Variants in CTNNA2 observed in about 807,000 individuals in gnomAD.
CTNNA2 encodes the protein catenin alpha-2.
CTNNA2 carries 42 observed loss-of-function variants against 101.0 expected under a neutral mutation model. The ratio of observed to expected loss-of-function variants is 0.42; its 90% CI spans 0.32 to 0.54. The LOEUF is 0.54. CTNNA2 is among the 20% of genes least tolerant of loss of function. CTNNA2 has a pLI of 0.14. For synonymous variants in CTNNA2, 450 were observed against 456.4 expected, an observed-to-expected ratio of 0.99 and a Z score of 0.18; for missense variants, 871 against 1,223.1, an observed-to-expected ratio of 0.71 and a Z score of 4.29.
At chr2:79,765,755 A>G (rs1264168543) in intron 3 of CTNNA2, among the ~76,000 whole-genome samples, 1 of 152,202 alleles carries the variant, frequency 6.6e-6, no homozygotes, top group South Asian at 2.1e-4. Context: ...AGGCTTGTGA[A>G]TTTTTAAAAT....
intron 15 of CTNNA2, among the ~76,000 whole-genome samples, chr2:80,593,600 C>G (rs1193761273): frequency 1.3e-5 from 2 of 152,124 alleles, no homozygotes; most frequent in East Asian, 3.9e-4. Flanking sequence ...CACCCTCCAT[C>G]TCCAGAACAT....
At chr2:80,119,057 A>G (rs1361766523) in intron 7 of CTNNA2, among the ~76,000 whole-genome samples, 1 of 152,230 alleles carries the variant, frequency 6.6e-6, no homozygotes, top group Non-Finnish European at 1.5e-5. Flanking sequence ...AATACTAACC[A>G]ACCAGAAGCC....
intron 1 of CTNNA2, among the ~76,000 whole-genome samples, chr2:79,193,436 C>CT (rs1673901215): frequency 6.6e-6 from 1 of 152,168 alleles, no homozygotes; most frequent in African/African-American, 2.4e-5. Context: ...CAATAACATA[C>CT]TATACAGGTA....
intron 1 of CTNNA2, among the ~76,000 whole-genome samples, chr2:79,571,577 AT>A (rs898423655): frequency 6.6e-6 from 1 of 151,772 alleles, no homozygotes; most frequent in African/African-American, 2.4e-5. Context: ...TTTCTTCTCC[AT>A]TTTTTTCCCC....
chr2:79,712,111 C>A (rs921489619), intron 2 of CTNNA2, among the ~76,000 whole-genome samples: 2 of 152,110 alleles, frequency 1.3e-5, no homozygotes, highest in Non-Finnish European at 2.9e-5. Context: ...AGGCATTGTG[C>A]TGACTACTTT....
intron 7 of CTNNA2, among the ~76,000 whole-genome samples, chr2:80,094,711 A>G (rs1257045958): frequency 6.6e-6 from 1 of 152,142 alleles, no homozygotes; most frequent in Non-Finnish European, 1.5e-5. Flanking sequence ...CTCCTTGAAG[A>G]GGTCCTTCAC....
chr2:80,506,121 G>T (rs866829811), intron 9 of CTNNA2, among the ~76,000 whole-genome samples: 28 of 152,296 alleles, frequency 1.8e-4, no homozygotes, highest in African/African-American at 6.5e-4. Flanking sequence ...CAGTGCATGA[G>T]CTATTTTCTG....
At chr2:80,605,274 G>A (rs541673597) in intron 16 of CTNNA2, 1 of 151,916 alleles carries the variant, frequency 6.6e-6, no homozygotes, top group South Asian at 2.1e-4. Context: ...AGTGCTTTAG[G>A]TAGTAGACTT....
intron 3 of CTNNA2, among the ~76,000 whole-genome samples, chr2:79,777,327 ATGTG>A (rs67347678): frequency 0.17 from 23,725 of 139,310 alleles, 2,054 homozygotes; most frequent in Admixed American, 0.24. Context: ...AACACTTGTT[ATGTG>A]TGTGTGTGTG....
intron 2 of CTNNA2, among the ~76,000 whole-genome samples, chr2:79,668,109 G>T (rs1033250319): frequency 6.0e-5 from 9 of 150,554 alleles, no homozygotes; most frequent in Admixed American, 5.3e-4. Flanking sequence ...GCGCGGTGGC[G>T]GGCGCCTGTA....
chr2:80,158,045 G>T (rs1428291126), intron 7 of CTNNA2, among the ~76,000 whole-genome samples: 1 of 152,156 alleles, frequency 6.6e-6, no homozygotes, highest in Non-Finnish European at 1.5e-5. Context: ...TGATCAATTA[G>T]GTAAAAAGCA....
chr2:80,302,271 C>T lies in CTNNA2; in HGVS notation c.1057-90940C>T. The T allele has an allele frequency of 1.2e-6, 2 of 1,613,522 alleles. No individual in the cohort carries two copies. Among genetic ancestry groups the T allele is most frequent in the Non-Finnish European group, 8.5e-7 (1 of 1,179,722 alleles). On this transcript the variant is annotated intron_variant, in intron 7 of 18. Coordinates refer to ENST00000402739, the MANE Select transcript of CTNNA2 (RefSeq NM_001282597.3). The surrounding 1 kb of genome is among the most constrained non-coding windows in gnomAD (Gnocchi z 6.4). Reference sequence around the variant, plus strand: ...GACAATCACACCTCGCATTCCCTCGCGGGCTGCTGGTGGCAGGTACACGAG... The same window carrying T: ...GACAATCACACCTCGCATTCCCTCGTGGGCTGCTGGTGGCAGGTACACGAG...
intron 14 of CTNNA2, chr2:80,586,464 G>C (rs1261493679): frequency 6.6e-6 from 1 of 152,054 alleles, no homozygotes; most frequent in Non-Finnish European, 1.5e-5. Flanking sequence ...GGACCTGTGA[G>C]GTCTAAGTAA....
At chr2:79,865,974 C>CCGAGTGTAA (rs1259457381) in intron 4 of CTNNA2, among the ~76,000 whole-genome samples, 1 of 152,232 alleles carries the variant, frequency 6.6e-6, no homozygotes, top group East Asian at 1.9e-4. Flanking sequence ...CCGCCTCGGC[C>CCGAGTGTAA]TCCCGAAGTG....
At chr2:79,590,464 A>G (rs1676773329) in intron 1 of CTNNA2, among the ~76,000 whole-genome samples, 1 of 152,184 alleles carries the variant, frequency 6.6e-6, no homozygotes, top group African/African-American at 2.4e-5. Flanking sequence ...GGAGATGATT[A>G]TGATAAAGTA....
chr2:79,689,061 C>G (rs1428746695), intron 2 of CTNNA2, among the ~76,000 whole-genome samples: 2 of 151,122 alleles, frequency 1.3e-5, no homozygotes, highest in Non-Finnish European at 2.9e-5. Flanking sequence ...TCCGTCTTCC[C>G]AAACACAACT....
At chr2:80,141,370 G>T (rs1485451424) in intron 7 of CTNNA2, among the ~76,000 whole-genome samples, 5 of 151,948 alleles carry the variant, frequency 3.3e-5, no homozygotes, top group Non-Finnish European at 7.4e-5. Context: ...CAGAGGATGA[G>T]GTTTAACAGC....
intron 7 of CTNNA2, among the ~76,000 whole-genome samples, chr2:80,070,666 A>G (rs546281422): frequency 6.6e-6 from 1 of 151,514 alleles, no homozygotes; most frequent in Non-Finnish European, 1.5e-5. Context: ...GCAGTGAGCC[A>G]TGATCACACC....
intron 7 of CTNNA2, among the ~76,000 whole-genome samples, chr2:80,148,860 G>T (rs186579448): frequency 7.2e-4 from 109 of 152,180 alleles, no homozygotes; most frequent in Non-Finnish European, 1.8e-4. Flanking sequence ...ACTTCAGGCT[G>T]CAGATCATCT....
Sources: allele counts gnomAD v4.1 joint callset (sites outside exome capture counted in the v4.1 genomes callset), GRCh38; gene constraint gnomAD v4.1.1; non-coding constraint Gnocchi (gnomAD v3.1); transcripts MANE v1.5; gene names NCBI Gene and HGNC (gene_info 2026-07-23, HGNC 2026-07-21).